LUZP2: variants seen among roughly 807,000 people sequenced by gnomAD.
The protein encoded by LUZP2 is leucine zipper protein 2.
A neutral mutation model predicts 51.6 loss-of-function variants in LUZP2; 52 were observed. The ratio of observed to expected loss-of-function variants is 1.01; its 90% CI spans 0.81 to 1.27. The LOEUF (loss-of-function observed/expected upper bound fraction) is 1.27. Among genes scored for constraint, LUZP2 ranks in the 50% most tolerant of loss-of-function variants. The probability of loss-of-function intolerance (pLI) is 0.00; values close to 1 mark genes in which losing one functional copy is unlikely to be tolerated. For synonymous variants in LUZP2, 154 were observed against 137.3 expected, an observed-to-expected ratio of 1.12 and a Z score of -0.85; for missense variants, 436 against 395.4, an observed-to-expected ratio of 1.10 and a Z score of -0.87.
At chr11:24,509,083 G>A (rs372894448) in intron 1 of LUZP2, among the ~76,000 whole-genome samples, 8 of 152,310 alleles carry the variant, frequency 5.3e-5, no homozygotes, top group Admixed American at 3.9e-4. Context: ...CACGCGACAT[G>A]TGCGATGAGT....
chr11:24,634,668 C>T (rs1855015907), intron 1 of LUZP2, among the ~76,000 whole-genome samples: 1 of 151,250 alleles, frequency 6.6e-6, no homozygotes, highest in Non-Finnish European at 1.5e-5. Flanking sequence ...ATAAACTGAC[C>T]ATAGAGCTGT....
At chr11:24,829,151 C>A (rs1199095870) in intron 5 of LUZP2, among the ~76,000 whole-genome samples, 1 of 152,118 alleles carries the variant, frequency 6.6e-6, no homozygotes, top group Non-Finnish European at 1.5e-5. Flanking sequence ...GCCTGAATAA[C>A]CTGCTTCAGA....
intron 5 of LUZP2, among the ~76,000 whole-genome samples, chr11:24,834,573 A>G (rs563603320): frequency 1.6e-4 from 24 of 152,288 alleles, no homozygotes; most frequent in African/African-American, 5.5e-4. Context: ...ATGTGTCTTT[A>G]TAGTAGAATG....
intron 10 of LUZP2, among the ~76,000 whole-genome samples, chr11:25,068,561 T>A (rs7950128): frequency 0.9 from 136,595 of 151,932 alleles, 62,396 homozygotes; most frequent in Non-Finnish European, 0.98. Context: ...TAGATTACAA[T>A]TCTTTCGCTG....
At chr11:24,595,039 C>A (rs1293703564) in intron 1 of LUZP2, among the ~76,000 whole-genome samples, 1 of 151,870 alleles carries the variant, frequency 6.6e-6, no homozygotes, top group East Asian at 1.9e-4. Flanking sequence ...GGATTACAGG[C>A]GTAAGCCACC....
intron 9 of LUZP2, among the ~76,000 whole-genome samples, chr11:24,993,057 A>G (rs1382435433): frequency 6.6e-6 from 1 of 152,194 alleles, no homozygotes; most frequent in Non-Finnish European, 1.5e-5. Context: ...ATTGAATTCA[A>G]TATTCTATTG....
At chr11:24,640,985 A>C (rs1012378869) in intron 1 of LUZP2, among the ~76,000 whole-genome samples, 1 of 62,754 alleles carries the variant, frequency 1.6e-5, no homozygotes, top group Non-Finnish European at 3.4e-5. Context: ...ATATAGATAT[A>C]GATATAGATA....
intron 1 of LUZP2, among the ~76,000 whole-genome samples, chr11:24,652,074 T>TATGTGTGTACACATGTTGTGC (rs1855642373): frequency 6.8e-6 from 1 of 146,130 alleles, no homozygotes; most frequent in Admixed American, 6.9e-5. Context: ...ACATGTTGTA[T>TATGTGTGTACACATGTTGTGC]ATGTGTGTAC....
rs1423656662 is a variant in LUZP2 at position 24,711,310 on chromosome 11, T to C, written c.63-17859T>C. Among the ~76,000 whole-genome samples the C allele has an allele frequency of 5.3e-5, 8 of 151,830 alleles. No homozygotes were observed. In the South Asian group the frequency reaches 6.2e-4, roughly 12 times the overall value. ...CTAAAAATACAAAAAATTAGCCGGG[T>C]GTGGCGGCGGGTGCCTGCAGTCCCA... On this transcript the variant is annotated intron_variant, in intron 1 of 11. Transcript: ENST00000336930.
intron 1 of LUZP2, among the ~76,000 whole-genome samples, chr11:24,695,916 G>C (rs1462135079): frequency 1.3e-5 from 2 of 151,872 alleles, no homozygotes; most frequent in African/African-American, 4.8e-5. Context: ...GGTGGGGAAA[G>C]AATGGGAAAA....
chr11:24,608,188 A>G (rs1219284380), intron 1 of LUZP2, among the ~76,000 whole-genome samples: 1 of 152,170 alleles, frequency 6.6e-6, no homozygotes, highest in Non-Finnish European at 1.5e-5. Context: ...TACAGCCAGC[A>G]AAGAAAAAGT....
chr11:24,602,190 A>G (rs1456108872), intron 1 of LUZP2, among the ~76,000 whole-genome samples: 2 of 128,416 alleles, frequency 1.6e-5, no homozygotes, highest in African/African-American at 2.7e-5. Context: ...GTATATATGT[A>G]TATATGTACA....
At chr11:24,865,885 C>T (rs993445104) in intron 5 of LUZP2, among the ~76,000 whole-genome samples, 2 of 151,852 alleles carry the variant, frequency 1.3e-5, no homozygotes, top group Non-Finnish European at 2.9e-5. Context: ...TCTTGGCTCA[C>T]TGCAACCTCT....
chr11:24,571,840 T>C (rs991290616), intron 1 of LUZP2, among the ~76,000 whole-genome samples: 6 of 152,106 alleles, frequency 3.9e-5, no homozygotes, highest in Non-Finnish European at 7.4e-5. Flanking sequence ...TTTACTTATA[T>C]AGGGAAATTA....
At chr11:24,566,788 T>C (rs1852242353) in intron 1 of LUZP2, among the ~76,000 whole-genome samples, 1 of 146,184 alleles carries the variant, frequency 6.8e-6, no homozygotes, top group South Asian at 2.1e-4. Flanking sequence ...TACATATATA[T>C]AATGTATATA....
Position 24,553,395 on chromosome 11 carries a change from C to A in LUZP2, c.62+56090C>A, listed in dbSNP as rs539806177. On this transcript the variant is annotated intron_variant, in intron 1 of 11. Coordinates refer to ENST00000336930, the MANE Select transcript of LUZP2 (RefSeq NM_001009909.4). ...AGAGGAATATTTTGTAATGTAAGGG[C>A]GTAAAGTATTTCTTTAAGAAAAGCT... 5.2e-4 allele frequency among the ~76,000 whole-genome samples: 79 copies of A among 151,358 alleles called. 3 individuals are homozygous for A. The South Asian group carries it at 0.016, about 30-fold the overall frequency.
chr11:24,604,869 G>A (rs1025440799), intron 1 of LUZP2, among the ~76,000 whole-genome samples: 3 of 151,804 alleles, frequency 2.0e-5, no homozygotes, highest in Non-Finnish European at 4.4e-5. Flanking sequence ...GCAGCACCCA[G>A]TTGGTGTGCT....
rs1854136422 is a variant in LUZP2 at position 24,611,885 on chromosome 11, A to G, written c.62+114580A>G. 6.6e-6 allele frequency among the ~76,000 whole-genome samples: 1 copy of G among 152,218 alleles called. No individual in the cohort carries two copies. Among genetic ancestry groups the G allele is most frequent in the South Asian group, 2.1e-4 (1 of 4,836 alleles). On this transcript the variant is annotated intron_variant, in intron 1 of 11. Transcript: ENST00000336930. This position sits in a 1 kb window ranked among gnomAD's most constrained non-coding sequence, Gnocchi z 4.6. The stretch of plus-strand genomic sequence containing the variant: ...CTGGTTGGAATATTAAAATAATCAC[A>G]GGAGATAATATAAATGTAGTCTTGA...
At chr11:25,048,377 C>A (rs1858386003) in intron 9 of LUZP2, among the ~76,000 whole-genome samples, 1 of 152,136 alleles carries the variant, frequency 6.6e-6, no homozygotes, top group Admixed American at 6.6e-5. Flanking sequence ...ATGGAATTGA[C>A]CATGATTCTT....
Sources: allele counts gnomAD v4.1 joint callset (sites outside exome capture counted in the v4.1 genomes callset), GRCh38; gene constraint gnomAD v4.1.1; non-coding constraint Gnocchi (gnomAD v3.1); transcripts MANE v1.5; gene names NCBI Gene and HGNC (gene_info 2026-07-23, HGNC 2026-07-21).